The following JMY variants were observed in gnomAD, a reference collection of about 807,000 sequenced individuals.
The protein encoded by JMY is junction-mediating and -regulatory protein.
Under a neutral mutation model 103.3 loss-of-function variants are expected in JMY, and 46 were observed. That is an observed-to-expected ratio of 0.45 (90% CI 0.35 to 0.57). The LOEUF (loss-of-function observed/expected upper bound fraction) is 0.57, where lower values mean the gene tolerates loss of function less well. JMY is among the 20% of genes least tolerant of loss of function. The pLI is 0.00. For synonymous variants in JMY, 526 were observed against 489.3 expected (o/e 1.07, Z -0.99); for missense variants, 1,238 against 1,255.2 (o/e 0.99, Z 0.21).
At chr5:79,282,123 C>T (rs1046632051) in intron 2 of JMY, among the ~76,000 whole-genome samples, 2 of 152,128 alleles carry the variant, frequency 1.3e-5, no homozygotes, top group African/African-American at 4.8e-5. Flanking sequence ...GGGAGAATGA[C>T]ATGAACCTGG....
chr5:79,251,482 A>G (rs1416016313), intron 1 of JMY, among the ~76,000 whole-genome samples: 1 of 152,206 alleles, frequency 6.6e-6, no homozygotes, highest in Non-Finnish European at 1.5e-5. Context: ...TATGTAATGC[A>G]TAATAATCAA....
At chr5:79,270,532 C>A in intron 1 of JMY, among the ~76,000 whole-genome samples, 1 of 79,320 alleles carries the variant, frequency 1.3e-5, no homozygotes, top group African/African-American at 3.9e-5. Context: ...TATATATTTA[C>A]ATAAATATTT....
At chr5:79,302,254 T>C (rs1461880701) in intron 6 of JMY, among the ~76,000 whole-genome samples, 1 of 152,172 alleles carries the variant, frequency 6.6e-6, no homozygotes, top group African/African-American at 2.4e-5. Flanking sequence ...GACTCGGAAT[T>C]TGCAAACCTG....
intron 1 of JMY, among the ~76,000 whole-genome samples, chr5:79,243,499 C>G (rs1273272790): frequency 6.6e-6 from 1 of 152,140 alleles, no homozygotes; most frequent in Non-Finnish European, 1.5e-5. Flanking sequence ...CAGTTCTTGA[C>G]TGCATTGACT....
At position 79,287,195 on chromosome 5, in the gene JMY, A is replaced by G. The variant is rs114301187; in HGVS notation, c.1207-2926A>G. Reference sequence around the variant, plus strand: ...AAGGAACTGCCGATGCTGGGGTGAAATAAGGCTTGGGTGATGCTGACAGGA... The same window carrying G: ...AAGGAACTGCCGATGCTGGGGTGAAGTAAGGCTTGGGTGATGCTGACAGGA... On this transcript the variant is annotated intron_variant, in intron 2 of 10. Coordinates refer to ENST00000396137, the MANE Select transcript of JMY (RefSeq NM_152405.5). Among the ~76,000 whole-genome samples, 702 of 152,286 alleles carry G rather than the reference A, an allele frequency of 4.6e-3. 6 individuals carry two copies. The highest frequency in any genetic ancestry group is 0.016 in the African/African-American group (673 of 41,554).
rs752065670 is a variant in JMY at position 79,237,602 on chromosome 5, G to A, written c.952G>A (p.Glu318Lys). Residue 318 changes from glutamate to lysine, a missense_variant, in exon 1 of 11, where the codon GAG becomes AAG. Physicochemically the swap from Glu to Lys is moderately conservative, Grantham distance 56 (BLOSUM62 1). Coordinates refer to ENST00000396137, the MANE Select transcript of JMY (RefSeq NM_152405.5). ...CTTCACCGAGACCGATGATCCCGAGGAGTATTACGAAAGCCTCAGCGAGCT... is the reference window on the plus strand; with the variant it reads ...CTTCACCGAGACCGATGATCCCGAGAAGTATTACGAAAGCCTCAGCGAGCT... ...VLFTETDDPE[E>K]YYESLSELRQ... The A allele has an allele frequency of 6.2e-7, 1 of 1,613,666 alleles. No individual in the cohort carries two copies. Among genetic ancestry groups the A allele is most frequent in the Non-Finnish European group, 8.5e-7 (1 of 1,180,030 alleles).
At chr5:79,256,719 C>T (rs994950947) in intron 1 of JMY, among the ~76,000 whole-genome samples, 1 of 152,072 alleles carries the variant, frequency 6.6e-6, no homozygotes, top group Non-Finnish European at 1.5e-5. Flanking sequence ...TCTTTCTTTT[C>T]TGCACCTGTT....
In JMY at chr5:79,237,520, G is replaced by A. The variant is rs1366909321; in HGVS notation, c.870G>A (p.Gln290=). Residue 290 remains glutamine, a synonymous_variant, in exon 1 of 11, where the codon CAG becomes CAA. Transcript: ENST00000396137. ...QEIDTLCYQL[Q]VYLGHGLDTC... is the part of the protein sequence containing the mutation. ...TCGACACTCTGTGTTACCAGCTCCA[G>A]GTCTACCTGGGCCACGGCCTGGACA... 2 of 1,613,710 alleles carry A rather than the reference G, an allele frequency of 1.2e-6. No individual in the cohort carries two copies. The highest frequency in any genetic ancestry group is 8.5e-7 in the Non-Finnish European group (1 of 1,180,036).
chr5:79,252,292 T>C (rs1415820853), intron 1 of JMY, among the ~76,000 whole-genome samples: 1 of 152,102 alleles, frequency 6.6e-6, no homozygotes, highest in African/African-American at 2.4e-5. Context: ...TGTTAGTGAT[T>C]TCTAGTTTAT....
At chr5:79,290,597 G>C (rs115107769) in intron 3 of JMY, among the ~76,000 whole-genome samples, 170 of 152,240 alleles carry the variant, frequency 1.1e-3, no homozygotes, top group African/African-American at 3.9e-3. Flanking sequence ...TATTTTTAAA[G>C]TTTCTGAAAG....
At chr5:79,270,448 A>G (rs1483832912) in intron 1 of JMY, among the ~76,000 whole-genome samples, 2 of 84,168 alleles carry the variant, frequency 2.4e-5, no homozygotes, top group Non-Finnish European at 5.0e-5. Flanking sequence ...TAAAATATAT[A>G]TTTACATAAA....
At position 79,321,758 on chromosome 5, in the gene JMY, C is replaced by T. The variant is rs1344578523; in HGVS notation, c.*156C>T. ...AAAGGAAGCACAATTGGCAGGTTAT[C>T]ACTTTCCAGTCGTTCCAATAGATGA... On this transcript the variant is annotated 3_prime_UTR_variant, in exon 11 of 11. Transcript: ENST00000396137. 1 of 152,204 alleles carries T rather than the reference C, an allele frequency of 6.6e-6. No individual in the cohort carries two copies. The highest frequency in any genetic ancestry group is 2.4e-5 in the African/African-American group (1 of 41,460). The allele number at this position is 152,204 out of a possible 1,614,324, so 9.4% of individuals were successfully genotyped here.
chr5:79,300,979 T>C lies in JMY; in HGVS notation c.1881+116T>C. On this transcript the variant is annotated intron_variant, in intron 6 of 10. Transcript: ENST00000396137. ...AAAACTAAGTAAGCACTATCTCTTA[T>C]CAGTGCTCAATGCGTTTATAGTGCT... The C allele has an allele frequency of 5.0e-6, 4 of 803,446 alleles. No individual in the cohort carries two copies. In the South Asian group the frequency reaches 5.8e-5, roughly 12 times the overall value. The allele number at this position is 803,446 out of a possible 1,614,324, so 49.8% of individuals were successfully genotyped here. A position where few individuals can be genotyped will look rare whatever the true frequency, so the allele number is the denominator to read the frequency against.
intron 1 of JMY, among the ~76,000 whole-genome samples, chr5:79,276,560 A>C (rs910425444): frequency 6.6e-6 from 1 of 151,800 alleles, no homozygotes; most frequent in Non-Finnish European, 1.5e-5. Context: ...CATAGCTGGG[A>C]CTATCAGCTA....
chr5:79,258,386 G>A (rs75624160), intron 1 of JMY, among the ~76,000 whole-genome samples: 12 of 143,748 alleles, frequency 8.3e-5, no homozygotes, highest in South Asian at 2.2e-4. Context: ...TTGGGGTGTC[G>A]CCTCACCAGC....
Position 79,318,789 on chromosome 5 carries a change from G to A in JMY, c.*3+2479G>A, listed in dbSNP as rs559457027. On this transcript the variant is annotated intron_variant, in intron 10 of 10. Coordinates refer to ENST00000396137, the MANE Select transcript of JMY (RefSeq NM_152405.5). The stretch of plus-strand genomic sequence containing the variant: ...AGAGAGAGAGAGAGAGAGAGAGAGA[G>A]AGAGAGAGAGAGAGGGATGCATATC... Among the ~76,000 whole-genome samples, 14 of 22,078 alleles carry A rather than the reference G, an allele frequency of 6.3e-4. No individual in the cohort carries two copies. The East Asian group carries it at 9.2e-3, about 14-fold the overall frequency. 14.5% of individuals were successfully genotyped at this position (22,078 alleles called of 152,430 possible).
chr5:79,257,530 G>A (rs955846362), intron 1 of JMY, among the ~76,000 whole-genome samples: 1 of 152,138 alleles, frequency 6.6e-6, no homozygotes, highest in Non-Finnish European at 1.5e-5. Context: ...CTGAAACCAG[G>A]AATGTCGAGG....
intron 1 of JMY, among the ~76,000 whole-genome samples, chr5:79,253,107 A>G (rs1484145598): frequency 6.6e-6 from 1 of 152,218 alleles, no homozygotes; most frequent in South Asian, 2.1e-4. Flanking sequence ...TGAGGTTACC[A>G]TGAAGCTTGC....
intron 1 of JMY, among the ~76,000 whole-genome samples, chr5:79,248,188 G>A (rs1744965275): frequency 6.6e-6 from 1 of 151,816 alleles, no homozygotes; most frequent in South Asian, 2.1e-4. Flanking sequence ...ACCGCATCTG[G>A]CCTTTTAACT....
Sources: allele counts gnomAD v4.1 joint callset (sites outside exome capture counted in the v4.1 genomes callset), GRCh38; gene constraint gnomAD v4.1.1; transcripts MANE v1.5; gene names NCBI Gene and HGNC (gene_info 2026-07-23, HGNC 2026-07-21).